The following SYT3 variants were observed in gnomAD, a reference collection of about 807,000 sequenced individuals.
SYT3 encodes synaptotagmin-3.
A neutral mutation model predicts 50.6 loss-of-function variants in SYT3; 25 were observed. That is an observed-to-expected ratio of 0.49 (90% CI 0.36 to 0.69). The LOEUF is 0.69. Ranked by LOEUF, SYT3 falls within the 30% of genes least tolerant of loss-of-function variation. SYT3 has a pLI of 0.00. For missense variants in SYT3, 589 were observed against 793.6 expected, an observed-to-expected ratio of 0.74 and a Z score of 3.10; for synonymous variants, 323 against 353.9, an observed-to-expected ratio of 0.91 and a Z score of 0.98.
chr19:50,628,481 T>A (rs552640820), intron 6 of SYT3, among the ~76,000 whole-genome samples: 3 of 152,160 alleles, frequency 2.0e-5, no homozygotes, highest in African/African-American at 7.2e-5. Flanking sequence ...GATCAAGCTA[T>A]CAGCATTCGG....
At chr19:50,629,235 G>A in intron 6 of SYT3, 59 bp downstream of exon 6, 1 of 1,413,492 alleles carries the variant, frequency 7.1e-7, no homozygotes, top group Non-Finnish European at 9.6e-7. Flanking sequence ...CAGGGGGCTT[G>A]CAACCCGGGG....
the SYT3 span, chr19:50,649,471 C>T: frequency 6.5e-7 from 1 of 1,536,216 alleles, no homozygotes; most frequent in South Asian, 1.2e-5. Flanking sequence ...AGCCCGTGTG[C>T]TTCCCTGCCA....
intron 4 of SYT3, among the ~76,000 whole-genome samples, chr19:50,631,056 T>A (rs1231031618): frequency 1.3e-5 from 2 of 152,100 alleles, no homozygotes; most frequent in Non-Finnish European, 2.9e-5. Context: ...CCATGGCTCC[T>A]CAGTGCCCTC....
chr19:50,647,051 T>C, the SYT3 span, among the ~76,000 whole-genome samples: 4 of 152,144 alleles, frequency 2.6e-5, no homozygotes, highest in South Asian at 2.1e-4. Flanking sequence ...AGGATGGTCT[T>C]GATCTCCTGA....
rs376869372 is a variant in SYT3 at position 50,632,386 on chromosome 19, C to A, written c.574G>T (p.Gly192Trp). Reference protein sequence around the residue: ...SQTSPELPSEGGAGSGLLLLP... With the variant: ...SQTSPELPSEWGAGSGLLLLP... Reference sequence around the variant, plus strand: ...AGGAGCAACCCAGAGCCTGCTCCCCCCTCAGAGGGCAGCTCAGGGGATGTT... The same window carrying A: ...AGGAGCAACCCAGAGCCTGCTCCCCACTCAGAGGGCAGCTCAGGGGATGTT... The change falls in exon 4 of 11, where the codon GGG (glycine) becomes TGG (tryptophan). Residue 192 changes from glycine (G) to tryptophan (W), a missense_variant. Gly to Trp is a radical substitution (Grantham distance 184, BLOSUM62 -2). Coordinates refer to ENST00000600079, the MANE Select transcript of SYT3 (RefSeq NM_001160329.2). This position sits in a 1 kb window ranked among gnomAD's most constrained non-coding sequence, Gnocchi z 4.7. 58 of 1,613,302 alleles carry A rather than the reference C, an allele frequency of 3.6e-5. No homozygotes were observed. The highest frequency in any genetic ancestry group is 3.3e-4 in the Middle Eastern group (2 of 6,056).
At position 50,629,421 on chromosome 19, in the gene SYT3, C is replaced by T. The variant is rs200694411; in HGVS notation, c.1154G>A (p.Ser385Asn). 3 of 1,614,092 alleles carry T rather than the reference C, an allele frequency of 1.9e-6. No individual in the cohort carries two copies. The highest frequency in any genetic ancestry group is 2.5e-6 in the Non-Finnish European group (3 of 1,179,966). ...CGAGAAGCGGTCAAAGTCATAGACG[C>T]TGAAGTGCAGTTTGCGTTGGGCCAG... ...AELAQRKLHF[S>N]VYDFDRFSRH... The change falls in exon 6 of 11, where the codon AGC becomes AAC. Residue 385 changes from serine to asparagine, a missense_variant. By Grantham distance (46) the Ser-to-Asn change is conservative (BLOSUM62 1). Around this residue, in one of 2 missense-constraint regions of SYT3, gnomAD observed 273 missense variants for 439.3 expected, o/e 0.62. Coordinates refer to ENST00000600079, the MANE Select transcript of SYT3 (RefSeq NM_001160329.2).
rs760400344 is a variant in SYT3, at chr19:50,629,972, C to G, written c.874G>C (p.Gly292Arg). ...CAGGGTGCCCCTGTGCCTGCCTCTC[C>G]AGAGCCTGGGCCCCCACCGCTCCGC... ...GRRSGGGPGS[G>R]EAGTGAPCGR... is the part of the protein sequence containing the mutation. Residue 292 changes from glycine to arginine, a missense_variant, in exon 5 of 11, where the codon GGA (glycine) becomes CGA (arginine). By Grantham distance (125) the Gly-to-Arg change is moderately radical. Transcript: ENST00000600079. 1 of 1,613,916 alleles carries G rather than the reference C, an allele frequency of 6.2e-7. No homozygotes were observed.
rs919069468 is a variant in SYT3, at chr19:50,635,904, C to A, written c.148+1360G>T. ...CTGGACTCTGCCCTGGGTGCCTCTT[C>A]CCTTTGCTGACTTCAGTCTGTATCC... is the stretch of plus-strand genomic sequence containing the variant. On this transcript the variant is annotated intron_variant, in intron 3 of 10. Transcript: ENST00000600079. Among the ~76,000 whole-genome samples, 4 of 152,180 alleles carry A rather than the reference C, an allele frequency of 2.6e-5. No individual in the cohort carries two copies. The South Asian group carries it at 8.3e-4, about 32-fold the overall frequency.
At chr19:50,627,971 G>C (rs2123003409) in intron 6 of SYT3, among the ~76,000 whole-genome samples, 1 of 152,340 alleles carries the variant, frequency 6.6e-6, no homozygotes. Context: ...CAAAGGCTGG[G>C]CTTGGGGGCC....
chr19:50,624,056 G>C (rs1157046340), intron 9 of SYT3, among the ~76,000 whole-genome samples: 1 of 151,332 alleles, frequency 6.6e-6, no homozygotes, highest in African/African-American at 2.4e-5. Context: ...ACAAACTCCT[G>C]GGCTCAAGAG....
upstream of SYT3, chr19:50,639,967 A>G (rs1185816707): frequency 1.3e-5 from 2 of 152,984 alleles, no homozygotes; most frequent in Non-Finnish European, 2.9e-5. The surrounding 1 kb of genome is among the most constrained non-coding windows in gnomAD (Gnocchi z 4.6). Flanking sequence ...ACTTGGCCTC[A>G]GCAAGGAAGC....
intron 3 of SYT3, among the ~76,000 whole-genome samples, chr19:50,635,660 A>G (rs561477533): frequency 1.3e-5 from 2 of 152,304 alleles, no homozygotes; most frequent in East Asian, 3.9e-4. Context: ...CCTCCAGCTC[A>G]GCCTCTGGAG....
chr19:50,630,402 C>T (rs1316188157), intron 4 of SYT3, among the ~76,000 whole-genome samples: 1 of 150,728 alleles, frequency 6.6e-6, no homozygotes, highest in Non-Finnish European at 1.5e-5. Context: ...CCCTCCCTCC[C>T]TCCCTTCTTT....
At chr19:50,645,009 G>T in the SYT3 span, among the ~76,000 whole-genome samples, 3 of 152,340 alleles carry the variant, frequency 2.0e-5, no homozygotes, top group East Asian at 3.9e-4. Context: ...ACACATATGT[G>T]CCTGGAGGTA....
At chr19:50,631,852 G>C (rs1392301983) in intron 4 of SYT3, among the ~76,000 whole-genome samples, 1 of 152,040 alleles carries the variant, frequency 6.6e-6, no homozygotes. Context: ...CTCAGGCCTA[G>C]TTTATATCAG....
At chr19:50,628,336 T>C (rs1599815015) in intron 6 of SYT3, among the ~76,000 whole-genome samples, 1 of 151,590 alleles carries the variant, frequency 6.6e-6, no homozygotes, top group African/African-American at 2.4e-5. Flanking sequence ...GGATTGGAGG[T>C]ACAGGGAGAA....
In SYT3 at chr19:50,625,565, C is replaced by A; in HGVS notation, c.1403-1G>T. On this transcript the variant is annotated splice_acceptor_variant, in intron 7 of 10. Coordinates refer to ENST00000600079, the MANE Select transcript of SYT3 (RefSeq NM_001160329.2). LOFTEE classifies it high-confidence loss of function. This position sits in a 1 kb window ranked among gnomAD's most constrained non-coding sequence, Gnocchi z 7.5. The stretch of plus-strand genomic sequence containing the variant: ...ATCAGGGAGGCCTTCACGTAGGGGT[C>A]TGGGAACAGCAATGAAGTAAGGAAC... 1.3e-6 allele frequency: 2 copies of A among 1,578,768 alleles called. No individual in the cohort carries two copies.
At position 50,629,998 on chromosome 19, in the gene SYT3, C is replaced by G. The variant is rs373678232; in HGVS notation, c.848G>C (p.Arg283Pro). 1 of 1,613,684 alleles carries G rather than the reference C, an allele frequency of 6.2e-7. No homozygotes were observed. Among genetic ancestry groups the G allele is most frequent in the Non-Finnish European group, 8.5e-7 (1 of 1,179,844 alleles). The change falls in exon 5 of 11, where the codon CGG (arginine) becomes CCG (proline). Residue 283 changes from arginine to proline, a missense_variant. Coordinates refer to ENST00000600079, the MANE Select transcript of SYT3 (RefSeq NM_001160329.2). ...ELYQGTGPGG[R>P]RSGGGPGSGE... ...AGAGCCTGGGCCCCCACCGCTCCGC[C>G]GGCCACCAGGGCCAGTCCCCTGGTA...
In SYT3 at chr19:50,632,252, CA is replaced by C; in HGVS notation, c.674+33del. The C allele has an allele frequency of 6.6e-7, 1 of 1,520,026 alleles. No homozygotes were observed. The highest frequency in any genetic ancestry group is 8.8e-7 in the Non-Finnish European group (1 of 1,131,020). 94.2% of individuals were successfully genotyped at this position (1,520,026 alleles called of 1,614,324 possible). A position where few individuals can be genotyped will look rare whatever the true frequency, so the allele number is the denominator to read the frequency against. ...GAGACACAGAGGAGGAGCAGAAGTT[CA>C]GAGTGGACCCCCAACCCAGTATCCT... On this transcript the variant is annotated intron_variant, in intron 4 of 10. Coordinates refer to ENST00000600079, the MANE Select transcript of SYT3 (RefSeq NM_001160329.2). The surrounding 1 kb of genome is among the most constrained non-coding windows in gnomAD (Gnocchi z 4.7).
Sources: gnomAD v4.1 joint callset for allele counts (sites outside exome capture counted in the v4.1 genomes callset) on GRCh38, gnomAD v4.1.1 for gene constraint, gnomAD v4.1.1 regional missense constraint, Gnocchi (gnomAD v3.1) non-coding constraint, MANE v1.5 for transcripts, NCBI Gene and HGNC (gene_info 2026-07-23, HGNC 2026-07-21) for gene names.